The following MCUB variants were observed in gnomAD, a reference collection of about 807,000 sequenced individuals.
The protein encoded by MCUB is calcium uniporter regulatory subunit MCUb, mitochondrial.
A neutral mutation model predicts 41.4 loss-of-function variants in MCUB; 46 were observed. The ratio of observed to expected loss-of-function variants is 1.11; its 90% CI spans 0.88 to 1.42. The LOEUF (loss-of-function observed/expected upper bound fraction) is 1.42, where lower values mean the gene tolerates loss of function less well. MCUB is among the 40% of genes most tolerant of loss of function. The pLI is 0.00. For missense variants in MCUB, 403 were observed against 404.9 expected, an observed-to-expected ratio of 1.00 and a Z score of 0.04; for synonymous variants, 148 against 148.2, an observed-to-expected ratio of 1.00 and a Z score of 0.01.
chr4:109,629,134 A>T (rs1461133122), intron 1 of MCUB, among the ~76,000 whole-genome samples: 4 of 151,986 alleles, frequency 2.6e-5, no homozygotes, highest in Non-Finnish European at 5.9e-5. Context: ...ATTTTTTCTA[A>T]TTTTTTATTT....
At chr4:109,591,959 C>G (rs1018448630) in intron 1 of MCUB, among the ~76,000 whole-genome samples, 3 of 152,050 alleles carry the variant, frequency 2.0e-5, no homozygotes, top group African/African-American at 7.2e-5. Context: ...CTCAGCCACC[C>G]TAAGTGCTAG....
At chr4:109,652,010 T>A (rs1457619743) in intron 1 of MCUB, among the ~76,000 whole-genome samples, 3 of 152,240 alleles carry the variant, frequency 2.0e-5, no homozygotes, top group African/African-American at 7.2e-5. Flanking sequence ...GTTCAAGGTG[T>A]TGGCTCAGTT....
intron 4 of MCUB, among the ~76,000 whole-genome samples, chr4:109,670,563 A>G (rs2126147636): frequency 6.6e-6 from 1 of 152,056 alleles, no homozygotes; most frequent in African/African-American, 2.4e-5. Context: ...TAAAAATACA[A>G]AAATTAGCTG....
intron 1 of MCUB, chr4:109,560,959 G>A (rs1309086367): frequency 6.6e-6 from 1 of 152,322 alleles, no homozygotes; most frequent in Non-Finnish European, 1.5e-5. Context: ...TTCCCAGAAG[G>A]AAGAAAAACT....
At chr4:109,617,008 G>A (rs1412016147) in intron 1 of MCUB, among the ~76,000 whole-genome samples, 1 of 151,976 alleles carries the variant, frequency 6.6e-6, no homozygotes, top group African/African-American at 2.4e-5. Context: ...TGTTATGTTA[G>A]TCACCATTCT....
At chr4:109,581,030 T>C (rs1322354918) in intron 1 of MCUB, among the ~76,000 whole-genome samples, 1 of 152,174 alleles carries the variant, frequency 6.6e-6, no homozygotes, top group Non-Finnish European at 1.5e-5. Flanking sequence ...AAAAAAGTAC[T>C]TTAAAGTTCA....
chr4:109,671,909 G>A (rs915821807), intron 4 of MCUB, among the ~76,000 whole-genome samples: 1 of 152,044 alleles, frequency 6.6e-6, no homozygotes, highest in African/African-American at 2.4e-5. Context: ...TGTAGCTGTA[G>A]GTATCAGAGG....
intron 1 of MCUB, among the ~76,000 whole-genome samples, chr4:109,634,868 T>C (rs1298370134): frequency 6.6e-6 from 1 of 152,186 alleles, no homozygotes; most frequent in Non-Finnish European, 1.5e-5. Flanking sequence ...GTTCGTTACA[T>C]AGGTATACAC....
intron 1 of MCUB, among the ~76,000 whole-genome samples, chr4:109,640,775 A>G (rs959131613): frequency 6.6e-6 from 1 of 152,176 alleles, no homozygotes; most frequent in Non-Finnish European, 1.5e-5. Context: ...CAATAAGGCT[A>G]TTTCACTTTC....
intron 1 of MCUB, among the ~76,000 whole-genome samples, chr4:109,578,067 G>C (rs1459763685): frequency 6.6e-6 from 1 of 152,132 alleles, no homozygotes; most frequent in Non-Finnish European, 1.5e-5. Context: ...AATAATCCAA[G>C]AATATTGGGC....
chr4:109,611,722 T>C (rs1427175877), intron 1 of MCUB, among the ~76,000 whole-genome samples: 1 of 152,182 alleles, frequency 6.6e-6, no homozygotes, highest in Non-Finnish European at 1.5e-5. Context: ...TTTTCTCTCT[T>C]TTTCTTTTCT....
At chr4:109,629,671 T>C (rs1728433097) in intron 1 of MCUB, among the ~76,000 whole-genome samples, 1 of 152,178 alleles carries the variant, frequency 6.6e-6, no homozygotes, top group East Asian at 1.9e-4. Context: ...TCGTTTACTA[T>C]ATAGGATATT....
In MCUB at chr4:109,618,506, C is replaced by G. The variant is rs150334548; in HGVS notation, c.100-40505C>G. Reference sequence around the variant, plus strand: ...GAAGTTACTACACCCAAATCCTTGTCTTAGGCTCTGCTTTTGGGGAAACCC... The same window carrying G: ...GAAGTTACTACACCCAAATCCTTGTGTTAGGCTCTGCTTTTGGGGAAACCC... On this transcript the variant is annotated intron_variant, in intron 1 of 7. Coordinates refer to ENST00000394650, the MANE Select transcript of MCUB (RefSeq NM_017918.5). Among the ~76,000 whole-genome samples, 174 of 152,292 alleles carry G rather than the reference C, an allele frequency of 1.1e-3. No individual in the cohort carries two copies. The East Asian group carries it at 0.029, about 25-fold the overall frequency.
chr4:109,653,788 TG>T (rs1729016806), intron 1 of MCUB, among the ~76,000 whole-genome samples: 1 of 152,242 alleles, frequency 6.6e-6, no homozygotes, highest in African/African-American at 2.4e-5. Flanking sequence ...TTGGTCAGAT[TG>T]GTCTTGAACT....
At chr4:109,610,277 G>T (rs933999084) in intron 1 of MCUB, among the ~76,000 whole-genome samples, 1 of 152,204 alleles carries the variant, frequency 6.6e-6, no homozygotes, top group African/African-American at 2.4e-5. Flanking sequence ...CCATGTGGCC[G>T]AACTGGTACC....
At position 109,668,768 on chromosome 4, in the gene MCUB, A is replaced by G. The variant is rs1393772713; in HGVS notation, c.451+4374A>G. Among the ~76,000 whole-genome samples, 2 of 148,444 alleles carry G rather than the reference A, an allele frequency of 1.3e-5. 1 individual carries two copies. The highest frequency in any genetic ancestry group is 1.3e-4 in the Admixed American group (2 of 14,904). ...TTTGGTTTTTAATTGAGCATTCTGT[A>G]TATTTCATTTTCTCTCCTTTTCCAG... On this transcript the variant is annotated intron_variant, in intron 4 of 7. Coordinates refer to ENST00000394650, the MANE Select transcript of MCUB (RefSeq NM_017918.5).
intron 1 of MCUB, among the ~76,000 whole-genome samples, chr4:109,576,641 T>C (rs1358798638): frequency 6.6e-6 from 1 of 151,982 alleles, no homozygotes; most frequent in Non-Finnish European, 1.5e-5. Flanking sequence ...ATTGTATAAT[T>C]CATGGTCCAA....
intron 1 of MCUB, among the ~76,000 whole-genome samples, chr4:109,650,583 TCTGAACTATTTGAGAATA>T: frequency 6.6e-6 from 1 of 152,200 alleles, no homozygotes; most frequent in Non-Finnish European, 1.5e-5. Flanking sequence ...CTATTTTGTT[TCTGAACTATTTGAGAATA>T]CATTGCAAAC....
chr4:109,569,903 A>G (rs1726873864), intron 1 of MCUB, among the ~76,000 whole-genome samples: 1 of 152,184 alleles, frequency 6.6e-6, no homozygotes. Flanking sequence ...TGTGAGATGA[A>G]TGCTGTTGGA....
Sources: allele counts gnomAD v4.1 joint callset (sites outside exome capture counted in the v4.1 genomes callset), GRCh38; gene constraint gnomAD v4.1.1; transcripts MANE v1.5; gene names NCBI Gene and HGNC (gene_info 2026-07-23, HGNC 2026-07-21).